Variants in RBFOX1 observed in about 807,000 individuals in gnomAD.
RBFOX1 encodes RNA binding fox-1 homolog 1, also known as RNA binding protein fox-1 homolog 1.
A neutral mutation model predicts 57.7 loss-of-function variants in RBFOX1; 8 were observed. That is an observed-to-expected ratio of 0.14 (90% confidence interval 0.08 to 0.25). RBFOX1 has a LOEUF of 0.25. Among genes scored for constraint, RBFOX1 ranks in the 10% least tolerant of loss-of-function variants. The probability of loss-of-function intolerance (pLI) is 1.00; values close to 1 mark genes in which losing one functional copy is unlikely to be tolerated. For synonymous variants in RBFOX1, 326 were observed against 222.4 expected, an observed-to-expected ratio of 1.47 and a Z score of -4.15; for missense variants, 611 against 548.5, an observed-to-expected ratio of 1.11 and a Z score of -1.14.
At chr16:6,774,797 G>C (rs1393361686) in intron 3 of RBFOX1, among the ~76,000 whole-genome samples, 4 of 151,954 alleles carry the variant, frequency 2.6e-5, no homozygotes, top group Non-Finnish European at 4.4e-5. Flanking sequence ...TTATACCTGA[G>C]CTTTCCAATA....
intron 3 of RBFOX1, among the ~76,000 whole-genome samples, chr16:5,849,627 G>A (rs997033256): frequency 1.3e-5 from 2 of 152,138 alleles, no homozygotes; most frequent in Non-Finnish European, 2.9e-5. Context: ...CAGGAAATCT[G>A]GAAGTGCCGA....
rs117100309 is a variant in RBFOX1 at position 7,295,183 on chromosome 16, G to C, written c.28-222964G>C. ...TGGCATTCATTTGATTCATTAGCAA[G>C]GTTAAATAAATTGTGTACTCAGAAG... On this transcript the variant is annotated intron_variant, in intron 4 of 15. Transcript: ENST00000550418. 3.1e-4 allele frequency among the ~76,000 whole-genome samples: 47 copies of C among 152,234 alleles called. No individual in the cohort carries two copies. The East Asian group carries it at 8.3e-3, about 27-fold the overall frequency.
intron 5 of RBFOX1, among the ~76,000 whole-genome samples, chr16:7,565,753 C>A (rs1216359669): frequency 6.6e-6 from 1 of 152,200 alleles, no homozygotes; most frequent in African/African-American, 2.4e-5. Flanking sequence ...GATGGAGCAG[C>A]AGCTGGCTCT....
At chr16:6,547,435 C>T (rs2096911824) in intron 2 of RBFOX1, among the ~76,000 whole-genome samples, 2 of 152,082 alleles carry the variant, frequency 1.3e-5, no homozygotes, top group Non-Finnish European at 2.9e-5. Flanking sequence ...AGATGATTGT[C>T]GAATGGTGCC....
At chr16:7,683,748 T>C (rs1018262628) in intron 14 of RBFOX1, among the ~76,000 whole-genome samples, 2 of 151,988 alleles carry the variant, frequency 1.3e-5, no homozygotes, top group East Asian at 3.9e-4. Context: ...CTGTGAAGGG[T>C]TTAGAGGCAG....
rs796124586 is a variant in RBFOX1, at chr16:6,273,340, G to T, written c.-126-43655G>T. ...CTAGGCAAAGAGTTTGTTGTTGTTG[G>T]TTTTTTTTTTTTTTTTTTTTTTTGG... is the stretch of plus-strand genomic sequence containing the variant. On this transcript the variant is annotated intron_variant, in intron 1 of 15. Transcript: ENST00000550418. Among the ~76,000 whole-genome samples the T allele has an allele frequency of 3.6e-4, 32 of 89,898 alleles. 1 individual carries two copies. The South Asian group carries it at 9.2e-3, about 26-fold the overall frequency. 59.0% of individuals were successfully genotyped at this position (89,898 alleles called of 152,430 possible).
At chr16:5,860,091 CT>C (rs946680771) in intron 3 of RBFOX1, among the ~76,000 whole-genome samples, 22 of 151,578 alleles carry the variant, frequency 1.5e-4, no homozygotes, top group African/African-American at 5.3e-4. Flanking sequence ...GTCAGCATTT[CT>C]TTTTTTTTGT....
intron 2 of RBFOX1, among the ~76,000 whole-genome samples, chr16:5,522,030 C>T (rs779499939): frequency 6.6e-5 from 10 of 152,142 alleles, no homozygotes; most frequent in Non-Finnish European, 1.0e-4. Flanking sequence ...TCCCAGCACC[C>T]GGGATTCGAC....
intron 1 of RBFOX1, among the ~76,000 whole-genome samples, chr16:5,288,847 C>T (rs571728743): frequency 4.6e-5 from 7 of 151,378 alleles, no homozygotes; most frequent in South Asian, 2.1e-4. Context: ...CTCATATAGG[C>T]TGGGCGCAGT....
chr16:6,546,574 T>C (rs1460302702), intron 2 of RBFOX1, among the ~76,000 whole-genome samples: 1 of 152,236 alleles, frequency 6.6e-6, no homozygotes, highest in African/African-American at 2.4e-5. Flanking sequence ...CCTGGCTCTT[T>C]TCACATCATC....
chr16:6,651,789 G>T (rs532274080), intron 2 of RBFOX1, among the ~76,000 whole-genome samples: 22 of 152,304 alleles, frequency 1.4e-4, no homozygotes, highest in African/African-American at 5.3e-4. Flanking sequence ...CACAATAGCC[G>T]AAAGGTGGAA....
At chr16:5,461,812 C>A (rs1343819374) in intron 1 of RBFOX1, among the ~76,000 whole-genome samples, 1 of 152,190 alleles carries the variant, frequency 6.6e-6, no homozygotes, top group Non-Finnish European at 1.5e-5. Context: ...AGTCTCTGAG[C>A]TCATTAATTG....
At chr16:5,737,734 T>C (rs2052630069) in intron 3 of RBFOX1, among the ~76,000 whole-genome samples, 1 of 152,156 alleles carries the variant, frequency 6.6e-6, no homozygotes, top group Admixed American at 6.5e-5. Flanking sequence ...TGCACAACTC[T>C]GTGAATTAAC....
intron 4 of RBFOX1, among the ~76,000 whole-genome samples, chr16:7,095,468 C>T (rs968566151): frequency 6.6e-6 from 1 of 152,174 alleles, no homozygotes; most frequent in Non-Finnish European, 1.5e-5. Flanking sequence ...GAACTCATGA[C>T]AAAATGAAAA....
chr16:5,485,842 G>T (rs2069713643), intron 2 of RBFOX1, among the ~76,000 whole-genome samples: 1 of 152,174 alleles, frequency 6.6e-6, no homozygotes, highest in Non-Finnish European at 1.5e-5. Context: ...TCTGTAATCA[G>T]GTTCCTTCTC....
At chr16:5,970,709 C>G (rs1355799239) in intron 4 of RBFOX1, among the ~76,000 whole-genome samples, 1 of 152,178 alleles carries the variant, frequency 6.6e-6, no homozygotes, top group Non-Finnish European at 1.5e-5. Flanking sequence ...TCTTTTCCTT[C>G]TTTTAGAGAA....
At chr16:5,892,826 G>C (rs2058077712) in intron 4 of RBFOX1, among the ~76,000 whole-genome samples, 1 of 152,202 alleles carries the variant, frequency 6.6e-6, no homozygotes, top group Non-Finnish European at 1.5e-5. Flanking sequence ...GCACTGTGCA[G>C]AGTGCGCTGG....
chr16:7,468,625 G>C (rs965874614), intron 4 of RBFOX1, among the ~76,000 whole-genome samples: 2 of 152,104 alleles, frequency 1.3e-5, no homozygotes, highest in Non-Finnish European at 2.9e-5. Context: ...TTAGGAATCT[G>C]GGGAACTTAT....
At chr16:6,455,722 G>A (rs2094754695) in intron 2 of RBFOX1, among the ~76,000 whole-genome samples, 1 of 152,148 alleles carries the variant, frequency 6.6e-6, no homozygotes, top group Non-Finnish European at 1.5e-5. Flanking sequence ...AAGCAGGAAT[G>A]GAGGGGGTCG....
Sources: gnomAD v4.1 joint callset for allele counts (sites outside exome capture counted in the v4.1 genomes callset) on GRCh38, gnomAD v4.1.1 for gene constraint, MANE v1.5 for transcripts, NCBI Gene and HGNC (gene_info 2026-07-23, HGNC 2026-07-21) for gene names.